STK33: variants seen among roughly 807,000 people sequenced by gnomAD.
The protein encoded by STK33 is serine/threonine kinase 33, also known as serine/threonine-protein kinase 33.
Under a neutral mutation model 58.0 loss-of-function variants are expected in STK33, and 52 were observed. The observed-to-expected ratio is 0.90, with a 90% CI of 0.72 to 1.13. The LOEUF (loss-of-function observed/expected upper bound fraction) is 1.13. Ranked by LOEUF, STK33 falls within the 50% of genes most tolerant of loss-of-function variation. The pLI is 0.00. For synonymous variants in STK33, 215 were observed against 200.1 expected (o/e 1.07, Z -0.63); for missense variants, 630 against 604.2 (o/e 1.04, Z -0.45).
At chr11:8,430,456 C>A (rs191010649) in intron 14 of STK33, among the ~76,000 whole-genome samples, 1 of 151,890 alleles carries the variant, frequency 6.6e-6, no homozygotes, top group Admixed American at 6.6e-5. Context: ...TTGTCTTAGG[C>A]CACACATAAA....
the STK33 span, among the ~76,000 whole-genome samples, chr11:8,339,327 C>T: frequency 6.6e-6 from 1 of 152,160 alleles, no homozygotes; most frequent in Non-Finnish European, 1.5e-5. Flanking sequence ...GCACAGGAAA[C>T]GAAGGCGGTC....
chr11:8,561,416 C>T lies in STK33; in HGVS notation c.-466+32667G>A, dbSNP rs550362984. ...ATGTCAGAAGCCAGTCTCATTTTCCCCCTTTCGGTGACTTGCTTTTCCTGT... is the reference window on the plus strand; with the variant it reads ...ATGTCAGAAGCCAGTCTCATTTTCCTCCTTTCGGTGACTTGCTTTTCCTGT... On this transcript the variant is annotated intron_variant, in intron 1 of 15. Transcript: ENST00000687296. Among the ~76,000 whole-genome samples, 18 of 152,264 alleles carry T rather than the reference C, an allele frequency of 1.2e-4. No individual in the cohort carries two copies. In the South Asian group the frequency reaches 3.7e-3, roughly 32 times the overall value.
At chr11:8,412,274 T>C (rs1299415030) in intron 15 of STK33, among the ~76,000 whole-genome samples, 1 of 152,198 alleles carries the variant, frequency 6.6e-6, no homozygotes, top group Non-Finnish European at 1.5e-5. Flanking sequence ...TTTATGATAT[T>C]ATTTTTAAGG....
At chr11:8,406,649 A>G (rs192755782) in intron 15 of STK33, among the ~76,000 whole-genome samples, 2 of 152,210 alleles carry the variant, frequency 1.3e-5, no homozygotes, top group East Asian at 3.9e-4. Context: ...TTAAAATTTT[A>G]TTTCCCAATT....
the STK33 span, among the ~76,000 whole-genome samples, chr11:8,337,586 G>GAGCCACGA: frequency 6.7e-6 from 1 of 149,486 alleles, no homozygotes; most frequent in Non-Finnish European, 1.5e-5. Context: ...CGGAGCCACG[G>GAGCCACGA]AGCCACGAGG....
chr11:8,388,371 C>G (rs1013237624), downstream of STK33, among the ~76,000 whole-genome samples: 7 of 152,224 alleles, frequency 4.6e-5, no homozygotes, highest in Non-Finnish European at 1.0e-4. Context: ...AAATGCAAGA[C>G]AGCCGCAGAT....
chr11:8,340,870 T>C, the STK33 span, among the ~76,000 whole-genome samples: 1 of 151,690 alleles, frequency 6.6e-6, no homozygotes, highest in Admixed American at 6.5e-5. Flanking sequence ...TTTTGGTTTG[T>C]TTTTTTGAGA....
rs1449217727 is a variant in STK33 at position 8,580,402 on chromosome 11, G to T, written c.-466+13681C>A. On this transcript the variant is annotated intron_variant, in intron 1 of 15. Transcript: ENST00000687296. ...ACATCAAATGTTCTCACTATTCGTG[G>T]GATCTAAAAATCAAAACAATTAAAT... Among the ~76,000 whole-genome samples, 3 of 151,626 alleles carry T rather than the reference G, an allele frequency of 2.0e-5. No homozygotes were observed. The East Asian group carries it at 5.8e-4, about 29-fold the overall frequency.
At chr11:8,350,857 T>C in the STK33 span, among the ~76,000 whole-genome samples, 1 of 152,140 alleles carries the variant, frequency 6.6e-6, no homozygotes, top group African/African-American at 2.4e-5. Flanking sequence ...CGGAAGTGAC[T>C]GGGACCTTCA....
intron 1 of STK33, among the ~76,000 whole-genome samples, chr11:8,566,794 T>C (rs938816729): frequency 3.3e-5 from 5 of 152,202 alleles, no homozygotes; most frequent in African/African-American, 1.2e-4. Context: ...GACTGACCTC[T>C]AGTGGAAATT....
chr11:8,586,966 A>G (rs909507727), intron 1 of STK33, among the ~76,000 whole-genome samples: 1 of 152,108 alleles, frequency 6.6e-6, no homozygotes, highest in African/African-American at 2.4e-5. Flanking sequence ...TAAGTGAATG[A>G]CTCAAATTAG....
intron 1 of STK33, among the ~76,000 whole-genome samples, chr11:8,547,765 T>G (rs1201596859): frequency 6.6e-6 from 1 of 152,206 alleles, no homozygotes; most frequent in Non-Finnish European, 1.5e-5. Context: ...TTGCCTGTGC[T>G]TTTGGGGTCT....
intron 15 of STK33, among the ~76,000 whole-genome samples, chr11:8,410,806 T>C (rs1047249458): frequency 6.6e-6 from 1 of 152,142 alleles, no homozygotes; most frequent in African/African-American, 2.4e-5. Context: ...ACAAATTCAT[T>C]CAAGACTGTG....
At chr11:8,360,236 G>T in the STK33 span, among the ~76,000 whole-genome samples, 1 of 152,220 alleles carries the variant, frequency 6.6e-6, no homozygotes. Flanking sequence ...CAGGTTGGCT[G>T]GGTGACTCCA....
intron 1 of STK33, among the ~76,000 whole-genome samples, chr11:8,551,556 G>C (rs1956302833): frequency 6.6e-6 from 1 of 152,064 alleles, no homozygotes; most frequent in African/African-American, 2.4e-5. Flanking sequence ...GTGTCTTTTT[G>C]TTGATGCCTG....
intron 9 of STK33, among the ~76,000 whole-genome samples, chr11:8,455,283 A>C (rs1194659892): frequency 2.0e-5 from 3 of 152,112 alleles, no homozygotes; most frequent in Non-Finnish European, 4.4e-5. Flanking sequence ...ATATATACAA[A>C]CTATACTTAT....
chr11:8,372,359 C>A, the STK33 span, among the ~76,000 whole-genome samples: 4 of 152,114 alleles, frequency 2.6e-5, no homozygotes, highest in East Asian at 7.7e-4. Flanking sequence ...GACCAAGATC[C>A]CATGTTTCTA....
chr11:8,453,481 A>T (rs943218234), intron 10 of STK33, among the ~76,000 whole-genome samples: 2 of 152,202 alleles, frequency 1.3e-5, no homozygotes, highest in South Asian at 4.1e-4. Context: ...CTACACTATT[A>T]AAAACTACAA....
intron 2 of STK33, among the ~76,000 whole-genome samples, chr11:8,477,617 C>G (rs1949404130): frequency 6.6e-6 from 1 of 152,054 alleles, no homozygotes; most frequent in African/African-American, 2.4e-5. Flanking sequence ...TATATATTCA[C>G]AAATTTTCAA....
Sources: allele counts gnomAD v4.1 joint callset (sites outside exome capture counted in the v4.1 genomes callset), GRCh38; gene constraint gnomAD v4.1.1; transcripts MANE v1.5; gene names NCBI Gene and HGNC (gene_info 2026-07-23, HGNC 2026-07-21).